The following THSD7B variants were observed in gnomAD, a reference collection of about 807,000 sequenced individuals.
The protein encoded by THSD7B is thrombospondin type 1 domain containing 7B, also known as thrombospondin type-1 domain-containing protein 7B.
In THSD7B, 138 loss-of-function variants were observed where a neutral mutation model predicts 213.6. The observed-to-expected ratio is 0.65, with a 90% CI of 0.56 to 0.74. The LOEUF is 0.74. THSD7B is among the 30% of genes least tolerant of loss of function. THSD7B has a pLI of 0.00. For synonymous variants in THSD7B, 742 were observed against 687.0 expected (o/e 1.08, Z -1.25); for missense variants, 1,931 against 1,991.5 (o/e 0.97, Z 0.58).
chr2:137,638,161 G>A (rs1431991258), intron 20 of THSD7B, among the ~76,000 whole-genome samples: 1 of 152,114 alleles, frequency 6.6e-6, no homozygotes, highest in Non-Finnish European at 1.5e-5. Flanking sequence ...ATCACTGAAA[G>A]AAATTTTACC....
At chr2:137,032,512 C>T (rs908654575) in intron 2 of THSD7B, among the ~76,000 whole-genome samples, 8 of 152,134 alleles carry the variant, frequency 5.3e-5, no homozygotes, top group South Asian at 2.1e-4. Flanking sequence ...ACCAACAAAA[C>T]GGGGATAGCT....
intron 3 of THSD7B, among the ~76,000 whole-genome samples, chr2:137,061,978 C>T (rs1386676695): frequency 6.6e-6 from 1 of 151,702 alleles, no homozygotes; most frequent in Non-Finnish European, 1.5e-5. Flanking sequence ...GGACCTCATG[C>T]TTTCTGATTT....
chr2:137,338,764 G>C (rs988183156), intron 12 of THSD7B, among the ~76,000 whole-genome samples: 25 of 152,094 alleles, frequency 1.6e-4, no homozygotes, highest in African/African-American at 6.0e-4. Context: ...GACACACTAA[G>C]ACATTATCCT....
At chr2:137,453,641 T>C (rs1182608789) in intron 15 of THSD7B, among the ~76,000 whole-genome samples, 1 of 152,152 alleles carries the variant, frequency 6.6e-6, no homozygotes, top group Admixed American at 6.5e-5. Flanking sequence ...AAATTTACTT[T>C]CTTAGCAATT....
At chr2:137,086,120 G>A (rs553657277) in intron 3 of THSD7B, among the ~76,000 whole-genome samples, 3 of 152,270 alleles carry the variant, frequency 2.0e-5, no homozygotes, top group Non-Finnish European at 2.9e-5. Flanking sequence ...GCCAAGGTGA[G>A]TGGGTCACCT....
At chr2:137,586,396 T>C (rs1443559103) in intron 17 of THSD7B, among the ~76,000 whole-genome samples, 1 of 152,176 alleles carries the variant, frequency 6.6e-6, no homozygotes, top group Non-Finnish European at 1.5e-5. Context: ...AGCTGGTTAT[T>C]TTGCCCATTA....
chr2:137,569,847 C>T (rs559395629), intron 16 of THSD7B, among the ~76,000 whole-genome samples: 2 of 151,698 alleles, frequency 1.3e-5, no homozygotes, highest in East Asian at 3.9e-4. Flanking sequence ...AATTCCTTTA[C>T]TATTGCTTTT....
chr2:137,634,325 A>G (rs1682793897), intron 20 of THSD7B, among the ~76,000 whole-genome samples: 1 of 152,200 alleles, frequency 6.6e-6, no homozygotes, highest in Admixed American at 6.5e-5. Flanking sequence ...CAAGCCAATA[A>G]TAATGTCATT....
chr2:136,908,332 T>C (rs1684202017), intron 2 of THSD7B, among the ~76,000 whole-genome samples: 1 of 152,238 alleles, frequency 6.6e-6, no homozygotes, highest in East Asian at 1.9e-4. Context: ...ACATGCTTTA[T>C]TTCATTGAAT....
At chr2:137,067,867 A>G (rs1040563731) in intron 3 of THSD7B, among the ~76,000 whole-genome samples, 3 of 152,026 alleles carry the variant, frequency 2.0e-5, no homozygotes, top group African/African-American at 4.8e-5. Flanking sequence ...ATTTTTTCTT[A>G]TCTTCACTGT....
chr2:137,325,953 G>C (rs946877183), intron 12 of THSD7B, among the ~76,000 whole-genome samples: 5 of 152,144 alleles, frequency 3.3e-5, no homozygotes, highest in Non-Finnish European at 7.4e-5. Flanking sequence ...TATCTTCCCA[G>C]TGTCTTCTCT....
intron 2 of THSD7B, among the ~76,000 whole-genome samples, chr2:136,948,374 T>G (rs1684978057): frequency 1.3e-5 from 2 of 152,092 alleles, no homozygotes. Flanking sequence ...ACTCTCCTAG[T>G]AGACAAACTT....
rs561330125 is a variant in THSD7B, at chr2:137,338,409, G to A, written c.2500+62383G>A. 5.3e-5 allele frequency among the ~76,000 whole-genome samples: 8 copies of A among 152,070 alleles called. No individual in the cohort carries two copies. In the South Asian group the frequency reaches 1.7e-3, roughly 32 times the overall value. ...GGGAATTCAAGGGTGGGAGGTGGGAGGACTGGCCTCTGACTTTCATTGAGG... is the reference window on the plus strand; with the variant it reads ...GGGAATTCAAGGGTGGGAGGTGGGAAGACTGGCCTCTGACTTTCATTGAGG... On this transcript the variant is annotated intron_variant, in intron 12 of 27. Transcript: ENST00000409968.
At chr2:137,517,939 C>T (rs1407001783) in intron 15 of THSD7B, among the ~76,000 whole-genome samples, 1 of 152,160 alleles carries the variant, frequency 6.6e-6, no homozygotes, top group East Asian at 1.9e-4. Flanking sequence ...CACCATGCAA[C>T]CTGAACTGCC....
chr2:136,904,862 T>A (rs555646), intron 2 of THSD7B, among the ~76,000 whole-genome samples: 65,297 of 152,096 alleles, frequency 0.43, 15,618 homozygotes, highest in Non-Finnish European at 0.55. Context: ...GTTCCATTTG[T>A]TGTAATTCTT....
chr2:136,800,924 CA>C (rs1682166522), intron 1 of THSD7B, among the ~76,000 whole-genome samples: 1 of 151,964 alleles, frequency 6.6e-6, no homozygotes, highest in African/African-American at 2.4e-5. Flanking sequence ...ATGAGCTTAC[CA>C]AGTAAACTCT....
chr2:137,101,657 C>T (rs1688152899), intron 4 of THSD7B, among the ~76,000 whole-genome samples: 1 of 152,136 alleles, frequency 6.6e-6, no homozygotes, highest in African/African-American at 2.4e-5. Flanking sequence ...TTCTCGCTGC[C>T]AGCACAGCAG....
At chr2:137,319,179 C>CA (rs954908618) in intron 12 of THSD7B, among the ~76,000 whole-genome samples, 3 of 145,724 alleles carry the variant, frequency 2.1e-5, no homozygotes, top group South Asian at 2.2e-4. Context: ...TTTTTGAAGA[C>CA]AAAAAAAAGG....
intron 1 of THSD7B, among the ~76,000 whole-genome samples, chr2:136,874,888 T>G (rs1399121463): frequency 6.6e-6 from 1 of 152,252 alleles, no homozygotes; most frequent in East Asian, 1.9e-4. Context: ...CCACATAATG[T>G]ATTTTTGTAA....
Sources: gnomAD v4.1 joint callset for allele counts (sites outside exome capture counted in the v4.1 genomes callset) on GRCh38, gnomAD v4.1.1 for gene constraint, MANE v1.5 for transcripts, NCBI Gene and HGNC (gene_info 2026-07-23, HGNC 2026-07-21) for gene names.